CD4: variants seen among roughly 807,000 people sequenced by gnomAD.
CD4 encodes T-cell surface glycoprotein CD4.
A neutral mutation model predicts 50.5 loss-of-function variants in CD4; 25 were observed. The ratio of observed to expected loss-of-function variants is 0.49; its 90% CI spans 0.36 to 0.69. CD4 has a LOEUF of 0.69. Among genes scored for constraint, CD4 ranks in the 30% least tolerant of loss-of-function variants. The pLI, the probability that CD4 is intolerant of heterozygous loss-of-function variation, is 0.00. For synonymous variants in CD4, 207 were observed against 221.9 expected (o/e 0.93, Z 0.60); for missense variants, 456 against 548.5 (o/e 0.83, Z 1.68).
chr12:6,814,897 T>C lies in CD4; in HGVS notation c.512T>C (p.Val171Ala), dbSNP rs782245179. ...ATACAGGGGGGGAAGACCCTCTCCG[T>C]GTCTCAGCTGGAGCTCCAGGATAGT... The part of the protein sequence containing the change: ...KNIQGGKTLS[V>A]SQLELQDSGT... The change falls in exon 5 of 10, where the codon GTG (valine) becomes GCG (alanine). Residue 171 changes from valine to alanine, a missense_variant. Transcript: ENST00000011653. 1.9e-6 allele frequency: 3 copies of C among 1,613,506 alleles called. No individual in the cohort carries two copies. In the South Asian group the frequency reaches 3.3e-5, roughly 18 times the overall value.
At chr12:6,812,889 C>T (rs781914753) in intron 3 of CD4, among the ~76,000 whole-genome samples, 3 of 1,492 alleles carry the variant, frequency 2.0e-3, no homozygotes, top group African/African-American at 2.3e-3. Context: ...CAGTCTCAAG[C>T]GATCTTGTGC....
chr12:6,814,808 G>T lies in CD4; in HGVS notation c.423G>T (p.Leu141=). Residue 141 remains leucine, a synonymous_variant, in exon 5 of 10, where the codon CTG becomes CTT. Coordinates refer to ENST00000011653, the MANE Select transcript of CD4 (RefSeq NM_000616.5). ...TGCTTCAGGGGCAGAGCCTGACCCT[G>T]ACCTTGGAGAGCCCCCCTGGTAGTA... ...THLLQGQSLT[L]TLESPPGSSP... is the part of the protein sequence containing the mutation. 1 of 1,613,634 alleles carries T rather than the reference G, an allele frequency of 6.2e-7. No individual in the cohort carries two copies. Among genetic ancestry groups the T allele is most frequent in the South Asian group, 1.1e-5 (1 of 91,044 alleles).
At chr12:6,806,018 G>C (rs1268871703) in intron 3 of CD4, among the ~76,000 whole-genome samples, 3 of 151,486 alleles carry the variant, frequency 2.0e-5, no homozygotes, top group Non-Finnish European at 2.9e-5. Flanking sequence ...AAGAAAAGAG[G>C]CTGGGCACAG....
chr12:6,802,573 G>A (rs184476263), intron 3 of CD4, among the ~76,000 whole-genome samples: 2 of 152,124 alleles, frequency 1.3e-5, no homozygotes, highest in African/African-American at 4.8e-5. Context: ...CTCCCAAAGT[G>A]CTGGGATTAT....
rs200704295 is a variant in CD4, at chr12:6,818,935, G to C, written c.1346+21G>C. 4.3e-5 allele frequency: 50 copies of C among 1,172,608 alleles called. No individual in the cohort carries two copies. In the African/African-American group the frequency reaches 6.7e-4, roughly 16 times the overall value. The allele number at this position is 1,172,608 out of a possible 1,614,324, so 72.6% of individuals were successfully genotyped here. A position where few individuals can be genotyped will look rare whatever the true frequency, so the allele number is the denominator to read the frequency against. On this transcript the variant is annotated intron_variant, in intron 9 of 9. Coordinates refer to ENST00000011653, the MANE Select transcript of CD4 (RefSeq NM_000616.5). The surrounding 1 kb of genome is among the most constrained non-coding windows in gnomAD (Gnocchi z 5.0). Reference sequence around the variant, plus strand: ...CCTCAGTAAGGATCTGGGAGGAGGGGTTGAGAGAGGGGAAAGGGGGAGGGG... The same window carrying C: ...CCTCAGTAAGGATCTGGGAGGAGGGCTTGAGAGAGGGGAAAGGGGGAGGGG...
chr12:6,801,631 G>C (rs1555115293), intron 3 of CD4, among the ~76,000 whole-genome samples: 1 of 151,230 alleles, frequency 6.6e-6, no homozygotes, highest in East Asian at 2.0e-4. Context: ...CGTGATCTTG[G>C]CTCATTGCAA....
chr12:6,808,325 G>A (rs71445128), intron 3 of CD4, among the ~76,000 whole-genome samples: 2 of 149,232 alleles, frequency 1.3e-5, no homozygotes, highest in East Asian at 2.0e-4. Flanking sequence ...GGTGGCACCC[G>A]CCTGTAGTTG....
chr12:6,811,878 T>C (rs1942949298), intron 3 of CD4, among the ~76,000 whole-genome samples: 1 of 152,052 alleles, frequency 6.6e-6, no homozygotes. Flanking sequence ...GTTACAATCA[T>C]AGCTCACTGT....
intron 3 of CD4, 91 bp from the exon 4 acceptor site, chr12:6,814,051 C>G: frequency 1.8e-6 from 2 of 1,128,090 alleles, no homozygotes; most frequent in Non-Finnish European, 2.6e-6. Flanking sequence ...AAATTAGCAA[C>G]TGATATCAGA....
intron 3 of CD4, among the ~76,000 whole-genome samples, chr12:6,802,002 T>G (rs1555115445): frequency 6.6e-6 from 1 of 151,302 alleles, no homozygotes. Flanking sequence ...GCCTCCTGAG[T>G]AGCTGGGACT....
Position 6,816,861 on chromosome 12 carries a change from G to T in CD4, c.956-269G>T, listed in dbSNP as rs782256775. On this transcript the variant is annotated intron_variant, in intron 6 of 9. Transcript: ENST00000011653. The surrounding 1 kb of genome is among the most constrained non-coding windows in gnomAD (Gnocchi z 4.9). ...TAACACTTGATGCTCAGCACGTGTC[G>T]GGCCCCATCCAAACACTTTACATGT... 4.6e-5 allele frequency among the ~76,000 whole-genome samples: 7 copies of T among 152,048 alleles called. No individual in the cohort carries two copies. Among genetic ancestry groups the T allele is most frequent in the Non-Finnish European group, 7.4e-5 (5 of 68,022 alleles).
intron 1 of CD4, among the ~76,000 whole-genome samples, chr12:6,796,072 A>T (rs1942367263): frequency 6.6e-6 from 1 of 152,224 alleles, no homozygotes; most frequent in African/African-American, 2.4e-5. Flanking sequence ...AGAAGAAATC[A>T]GTGACTTTCG....
chr12:6,796,985 C>T (rs1942393165), intron 1 of CD4, among the ~76,000 whole-genome samples: 1 of 152,170 alleles, frequency 6.6e-6, no homozygotes, highest in African/African-American at 2.4e-5. Flanking sequence ...GGGGACACCT[C>T]TCCCCTTTCC....
chr12:6,805,674 T>A (rs782619299), intron 3 of CD4, among the ~76,000 whole-genome samples: 3 of 152,098 alleles, frequency 2.0e-5, no homozygotes, highest in African/African-American at 7.2e-5. Flanking sequence ...GCTGTACTCA[T>A]GGATTGATGG....
chr12:6,806,301 T>TTTTA (rs542997326), intron 3 of CD4, among the ~76,000 whole-genome samples: 8 of 151,986 alleles, frequency 5.3e-5, no homozygotes, highest in South Asian at 2.1e-4. Flanking sequence ...TAAAATTTAT[T>TTTTA]TTTATTTATT....
In CD4 at chr12:6,800,364, C is replaced by G; in HGVS notation, c.107C>G (p.Thr36Arg). ...KKVVLGKKGDTVELTCTASQK... is the reference protein window; with the variant it reads ...KKVVLGKKGDRVELTCTASQK... ...GTGGTGCTGGGCAAAAAAGGGGATA[C>G]AGTGGAACTGACCTGTACAGCTTCC... The change falls in exon 3 of 10, where the codon ACA (threonine) becomes AGA (arginine). Residue 36 changes from threonine to arginine, a missense_variant. By Grantham distance (71) the Thr-to-Arg change is moderately conservative. Transcript: ENST00000011653. 4 of 1,614,066 alleles carry G rather than the reference C, an allele frequency of 2.5e-6. No individual in the cohort carries two copies. Among genetic ancestry groups the G allele is most frequent in the Non-Finnish European group, 3.4e-6 (4 of 1,179,970 alleles).
chr12:6,803,402 GC>G (rs1942622908), intron 3 of CD4, among the ~76,000 whole-genome samples: 1 of 151,934 alleles, frequency 6.6e-6, no homozygotes. Flanking sequence ...ACCCACCTTG[GC>G]CTCCCAAAGT....
intron 1 of CD4, among the ~76,000 whole-genome samples, chr12:6,794,823 C>T (rs2857232): frequency 0.31 from 39,010 of 125,724 alleles, 5,925 homozygotes; most frequent in South Asian, 0.49. Flanking sequence ...CTTGCTCTGT[C>T]GCCGAGGCTG....
chr12:6,801,667 T>C (rs1942556201), intron 3 of CD4, among the ~76,000 whole-genome samples: 1 of 150,458 alleles, frequency 6.6e-6, no homozygotes, highest in African/African-American at 2.4e-5. Flanking sequence ...TTCAAGTGAT[T>C]CTCCTGCCTC....
Sources: allele counts gnomAD v4.1 joint callset (sites outside exome capture counted in the v4.1 genomes callset), GRCh38; gene constraint gnomAD v4.1.1; non-coding constraint Gnocchi (gnomAD v3.1); transcripts MANE v1.5; gene names NCBI Gene and HGNC (gene_info 2026-07-23, HGNC 2026-07-21).